Variants in MACROD2 observed in about 807,000 individuals in gnomAD.
The protein encoded by MACROD2 is ADP-ribose glycohydrolase MACROD2.
In MACROD2, 36 loss-of-function variants were observed where a neutral mutation model predicts 70.4. That is an observed-to-expected ratio of 0.51 (90% CI 0.39 to 0.68). The LOEUF (loss-of-function observed/expected upper bound fraction) is 0.68. MACROD2 is among the 30% of genes least tolerant of loss of function. The pLI is 0.00. For synonymous variants in MACROD2, 172 were observed against 178.8 expected (o/e 0.96, Z 0.30); for missense variants, 496 against 538.4 (o/e 0.92, Z 0.78).
chr20:14,638,861 A>C (rs1213717484), intron 4 of MACROD2, among the ~76,000 whole-genome samples: 1 of 151,962 alleles, frequency 6.6e-6, no homozygotes, highest in South Asian at 2.1e-4. Context: ...GAGGCAGGAG[A>C]ATCACTTGAA....
intron 5 of MACROD2, among the ~76,000 whole-genome samples, chr20:14,804,652 C>T (rs1461624434): frequency 6.6e-6 from 1 of 151,942 alleles, no homozygotes; most frequent in Non-Finnish European, 1.5e-5. Context: ...GTGGGGTCTT[C>T]TGATAGTGCT....
intron 3 of MACROD2, among the ~76,000 whole-genome samples, chr20:14,132,949 G>T (rs2054737828): frequency 2.6e-5 from 4 of 152,088 alleles, no homozygotes; most frequent in African/African-American, 9.7e-5. Context: ...CCAGAAATTT[G>T]TTTAAGTAAA....
chr20:14,860,581 T>C (rs964506864), intron 5 of MACROD2, among the ~76,000 whole-genome samples: 1 of 152,124 alleles, frequency 6.6e-6, no homozygotes, highest in African/African-American at 2.4e-5. Context: ...AATTGCAACT[T>C]GTGCTTATGC....
chr20:15,444,888 A>C (rs2046542232), intron 7 of MACROD2, among the ~76,000 whole-genome samples: 1 of 152,142 alleles, frequency 6.6e-6, no homozygotes, highest in African/African-American at 2.4e-5. Flanking sequence ...GGTTGTTGCA[A>C]AGATTAATTG....
intron 8 of MACROD2, among the ~76,000 whole-genome samples, chr20:15,642,469 A>G (rs1212187918): frequency 6.6e-6 from 1 of 152,028 alleles, no homozygotes; most frequent in Non-Finnish European, 1.5e-5. Flanking sequence ...TACCCCAGGT[A>G]AGGAATGTCT....
At chr20:15,453,794 A>G (rs141408281) in intron 7 of MACROD2, among the ~76,000 whole-genome samples, 82 of 152,284 alleles carry the variant, frequency 5.4e-4, no homozygotes, top group African/African-American at 1.9e-3. Flanking sequence ...TGTTCACCAA[A>G]GCCTACCCAG....
intron 15 of MACROD2, among the ~76,000 whole-genome samples, chr20:16,018,313 A>G (rs1324138678): frequency 5.9e-5 from 9 of 151,928 alleles, no homozygotes; most frequent in African/African-American, 2.2e-4. Context: ...GAAATTTACA[A>G]GGCCTTTTTT....
At chr20:14,927,134 G>A (rs1166035972) in intron 5 of MACROD2, among the ~76,000 whole-genome samples, 3 of 152,050 alleles carry the variant, frequency 2.0e-5, no homozygotes, top group South Asian at 2.1e-4. Flanking sequence ...AAAACATATC[G>A]AGTGTGGATC....
chr20:15,970,823 C>T (rs1044249916), intron 13 of MACROD2, among the ~76,000 whole-genome samples: 1 of 152,116 alleles, frequency 6.6e-6, no homozygotes, highest in African/African-American at 2.4e-5. Context: ...CCTGTTCCCA[C>T]CAGCAAGACT....
intron 3 of MACROD2, among the ~76,000 whole-genome samples, chr20:14,143,724 G>A (rs965389249): frequency 9.2e-5 from 14 of 152,048 alleles, no homozygotes; most frequent in African/African-American, 3.1e-4. Flanking sequence ...CATTAATCTC[G>A]CTTCACACTA....
chr20:15,611,110 TCTGTACAGCTAAGA>T (rs1043759472), intron 8 of MACROD2, among the ~76,000 whole-genome samples: 1 of 149,248 alleles, frequency 6.7e-6, no homozygotes, highest in African/African-American at 2.5e-5. Flanking sequence ...CTCATGTCAG[TCTGTACAGCTAAGA>T]GCACACTGCT....
In MACROD2 at chr20:14,710,892, G is replaced by A. The variant is rs1448080945; in HGVS notation, c.418+25933G>A. 3.3e-5 allele frequency among the ~76,000 whole-genome samples: 5 copies of A among 152,064 alleles called. No individual in the cohort carries two copies. The South Asian group carries it at 8.3e-4, about 25-fold the overall frequency. On this transcript the variant is annotated intron_variant, in intron 5 of 17. Coordinates refer to ENST00000684519, the MANE Select transcript of MACROD2 (RefSeq NM_001351661.2). ...CTCCACATCTAAGTATACAATCATT[G>A]ATAAAAATGAAGCCCCCATGGACTC...
At chr20:14,966,850 G>A (rs570729928) in intron 5 of MACROD2, among the ~76,000 whole-genome samples, 138 of 151,960 alleles carry the variant, frequency 9.1e-4, no homozygotes, top group African/African-American at 3.1e-3. Context: ...TGTGCCAATG[G>A]GTATTTGAAT....
intron 5 of MACROD2, among the ~76,000 whole-genome samples, chr20:15,101,378 A>G (rs1407372266): frequency 1.3e-5 from 2 of 151,870 alleles, no homozygotes; most frequent in Admixed American, 1.3e-4. Context: ...AGATCCTTCT[A>G]TTTTTGATTT....
At chr20:14,809,971 A>AG (rs1286428236) in intron 5 of MACROD2, among the ~76,000 whole-genome samples, 37 of 152,048 alleles carry the variant, frequency 2.4e-4, no homozygotes, top group Admixed American at 2.4e-3. Context: ...AAAAAGGCCC[A>AG]GGACCAGACA....
chr20:15,834,226 G>C (rs1232444147), intron 8 of MACROD2, among the ~76,000 whole-genome samples: 1 of 152,156 alleles, frequency 6.6e-6, no homozygotes, highest in East Asian at 1.9e-4. Flanking sequence ...TGTAATCCCA[G>C]CTACTCGGGA....
chr20:14,515,984 A>G (rs996337649), intron 4 of MACROD2, among the ~76,000 whole-genome samples: 1 of 147,680 alleles, frequency 6.8e-6, no homozygotes, highest in Non-Finnish European at 1.5e-5. Context: ...TATATAAAAT[A>G]TAATTTATTT....
At chr20:15,788,147 G>A (rs1250249390) in intron 8 of MACROD2, among the ~76,000 whole-genome samples, 1 of 152,108 alleles carries the variant, frequency 6.6e-6, no homozygotes, top group Non-Finnish European at 1.5e-5. Context: ...TAAAGTCACT[G>A]GAATCATCGA....
intron 5 of MACROD2, among the ~76,000 whole-genome samples, chr20:15,097,041 AC>A (rs1760988837): frequency 6.6e-6 from 1 of 151,710 alleles, no homozygotes; most frequent in African/African-American, 2.4e-5. Flanking sequence ...CGAACTCCTG[AC>A]CTCAGGTGAT....
Sources: allele counts gnomAD v4.1 joint callset (sites outside exome capture counted in the v4.1 genomes callset), GRCh38; gene constraint gnomAD v4.1.1; transcripts MANE v1.5; gene names NCBI Gene and HGNC (gene_info 2026-07-23, HGNC 2026-07-21).